The following ANTXR2 variants were observed in gnomAD, a reference collection of about 807,000 sequenced individuals.
ANTXR2 encodes ANTXR cell adhesion molecule 2.
Under a neutral mutation model 73.7 loss-of-function variants are expected in ANTXR2, and 44 were observed. The ratio of observed to expected loss-of-function variants is 0.60; its 90% confidence interval spans 0.47 to 0.77. The LOEUF (loss-of-function observed/expected upper bound fraction) is 0.77. ANTXR2 is among the 30% of genes least tolerant of loss of function. The pLI, the probability that ANTXR2 is intolerant of heterozygous loss-of-function variation, is 0.00. For synonymous variants in ANTXR2, 217 were observed against 205.9 expected, an observed-to-expected ratio of 1.05 and a Z score of -0.46; for missense variants, 604 against 592.5, an observed-to-expected ratio of 1.02 and a Z score of -0.20.
At chr4:80,003,693 A>T (rs900555850) in intron 12 of ANTXR2, among the ~76,000 whole-genome samples, 1 of 152,110 alleles carries the variant, frequency 6.6e-6, no homozygotes, top group Non-Finnish European at 1.5e-5. Context: ...TAGAAACTCA[A>T]ATTAAAACCA....
chr4:79,926,060 A>G (rs1727768680), intron 16 of ANTXR2, among the ~76,000 whole-genome samples: 1 of 152,140 alleles, frequency 6.6e-6, no homozygotes. Context: ...TTGTACATCA[A>G]AATTGATATT....
At chr4:79,992,575 G>T (rs775390072) in intron 12 of ANTXR2, among the ~76,000 whole-genome samples, 1 of 151,208 alleles carries the variant, frequency 6.6e-6, no homozygotes, top group Admixed American at 6.6e-5. Context: ...TTTATAATTA[G>T]CCCAGAAATA....
In ANTXR2 at chr4:79,996,946, G is replaced by T. The variant is rs569723899; in HGVS notation, c.1041+11575C>A. 2.6e-5 allele frequency among the ~76,000 whole-genome samples: 4 copies of T among 151,844 alleles called. No individual in the cohort carries two copies. In the South Asian group the frequency reaches 6.2e-4, roughly 24 times the overall value. On this transcript the variant is annotated intron_variant, in intron 12 of 16. Coordinates refer to ENST00000403729, the MANE Select transcript of ANTXR2 (RefSeq NM_058172.6). ...TTCACCACTTTATGAACCATATGCA[G>T]AGTTTGATTCTTCTCCAATTTTTTT...
At chr4:79,960,586 A>T (rs1729104367) in intron 16 of ANTXR2, among the ~76,000 whole-genome samples, 1 of 152,204 alleles carries the variant, frequency 6.6e-6, no homozygotes, top group Admixed American at 6.5e-5. Flanking sequence ...AAAAAATAAA[A>T]TGGTAAACAA....
In ANTXR2 at chr4:80,055,216, T is replaced by C. The variant is rs1460347441; in HGVS notation, c.489A>G (p.Ala163=). The change falls in exon 6 of 17, where the codon GCA becomes GCG. Residue 163 remains alanine, a splice_region_variant and synonymous_variant. Coordinates refer to ENST00000403729, the MANE Select transcript of ANTXR2 (RefSeq NM_058172.6). ...GLVPSYAEKE[A]KISRSLGASV... is the part of the protein sequence containing the mutation. ...TAGCCCCAAGTGACCTGGATATCTTTGCCTATGGAGAATGAGGAGGGAAAG... is the reference window on the plus strand; with the variant it reads ...TAGCCCCAAGTGACCTGGATATCTTCGCCTATGGAGAATGAGGAGGGAAAG... 1.9e-6 allele frequency: 3 copies of C among 1,567,884 alleles called. No homozygotes were observed. The highest frequency in any genetic ancestry group is 1.7e-4 in the Middle Eastern group (1 of 5,994).
intron 7 of ANTXR2, among the ~76,000 whole-genome samples, chr4:80,051,664 T>A (rs544402348): frequency 8.0e-4 from 122 of 151,876 alleles, no homozygotes; most frequent in African/African-American, 2.8e-3. Flanking sequence ...AGTGATTTTC[T>A]GGATCAAATA....
intron 11 of ANTXR2, among the ~76,000 whole-genome samples, chr4:80,013,710 A>T (rs1731705309): frequency 6.6e-6 from 1 of 152,190 alleles, no homozygotes; most frequent in South Asian, 2.1e-4. Context: ...TCTATTTTCA[A>T]TAGATATTTC....
intron 7 of ANTXR2, among the ~76,000 whole-genome samples, chr4:80,050,256 G>A (rs938901267): frequency 2.0e-5 from 3 of 151,654 alleles, no homozygotes; most frequent in African/African-American, 4.8e-5. Flanking sequence ...CTGATCTTAC[G>A]GCTTGAGGAT....
intron 12 of ANTXR2, among the ~76,000 whole-genome samples, chr4:80,004,365 A>G (rs1731202485): frequency 6.6e-6 from 1 of 152,046 alleles, no homozygotes; most frequent in South Asian, 2.1e-4. Flanking sequence ...TTGCTGCTAT[A>G]ACAAATTATC....
intron 16 of ANTXR2, among the ~76,000 whole-genome samples, chr4:79,952,112 A>C (rs1288483834): frequency 2.0e-5 from 3 of 151,640 alleles, no homozygotes; most frequent in Non-Finnish European, 4.4e-5. Context: ...AAACCACCAA[A>C]ATTATTTGAT....
chr4:79,993,744 C>CCACACACACACACGTGCA (rs1730584424), intron 12 of ANTXR2, among the ~76,000 whole-genome samples: 1 of 72,948 alleles, frequency 1.4e-5, no homozygotes, highest in African/African-American at 4.4e-5. Context: ...TGGCAATACA[C>CCACACACACACACGTGCA]CACACACACA....
chr4:79,995,206 T>C (rs547123167), intron 12 of ANTXR2, among the ~76,000 whole-genome samples: 1 of 152,196 alleles, frequency 6.6e-6, no homozygotes, highest in Non-Finnish European at 1.5e-5. Context: ...AATTTCTTAA[T>C]GGCAATAATT....
At chr4:79,985,558 C>T (rs1730106854) in intron 12 of ANTXR2, among the ~76,000 whole-genome samples, 1 of 151,996 alleles carries the variant, frequency 6.6e-6, no homozygotes. Context: ...GGTGGTGAGA[C>T]AGAGACACCA....
intron 7 of ANTXR2, among the ~76,000 whole-genome samples, chr4:80,051,356 T>A (rs1733766765): frequency 6.6e-6 from 1 of 151,790 alleles, no homozygotes; most frequent in Admixed American, 6.6e-5. Flanking sequence ...AGAGAGAATA[T>A]GTCTTATTCA....
chr4:79,985,575 C>T (rs1730108271), intron 12 of ANTXR2, among the ~76,000 whole-genome samples: 1 of 151,928 alleles, frequency 6.6e-6, no homozygotes, highest in South Asian at 2.1e-4. Flanking sequence ...ACCAGCTGAT[C>T]CCCAGCTATT....
intron 16 of ANTXR2, among the ~76,000 whole-genome samples, chr4:79,949,206 A>G (rs1160610656): frequency 1.3e-5 from 2 of 152,196 alleles, no homozygotes; most frequent in African/African-American, 4.8e-5. Context: ...ACAGGATGAG[A>G]ACACAGAAAT....
In ANTXR2 at chr4:80,038,392, A is replaced by T. The variant is rs984849270; in HGVS notation, c.637-2360T>A. On this transcript the variant is annotated intron_variant, in intron 7 of 16. Coordinates refer to ENST00000403729, the MANE Select transcript of ANTXR2 (RefSeq NM_058172.6). ...CAATATCAAATAAGCAATTCTCCTA[A>T]GGAGATCTCTTTAAGGCTGAAGAAC... Among the ~76,000 whole-genome samples, 63 of 152,234 alleles carry T rather than the reference A, an allele frequency of 4.1e-4. 2 individuals carry two copies. Among genetic ancestry groups the T allele is most frequent in the Admixed American group, 3.7e-3 (56 of 15,270 alleles).
intron 16 of ANTXR2, among the ~76,000 whole-genome samples, chr4:79,926,371 C>T (rs1207379027): frequency 6.6e-6 from 1 of 152,056 alleles, no homozygotes; most frequent in East Asian, 1.9e-4. Context: ...GGCTCTAGCT[C>T]TAATCCTACC....
At chr4:79,948,926 C>A (rs901581084) in intron 16 of ANTXR2, among the ~76,000 whole-genome samples, 35 of 152,126 alleles carry the variant, frequency 2.3e-4, no homozygotes, top group Admixed American at 2.2e-3. Context: ...ATTTCATCAT[C>A]ATCATTTCTT....
Sources: gnomAD v4.1 joint callset for allele counts (sites outside exome capture counted in the v4.1 genomes callset) on GRCh38, gnomAD v4.1.1 for gene constraint, MANE v1.5 for transcripts, NCBI Gene and HGNC (gene_info 2026-07-23, HGNC 2026-07-21) for gene names.